Variants in ADAMTS17 observed in about 807,000 individuals in gnomAD.
ADAMTS17 encodes the protein ADAM metallopeptidase with thrombospondin type 1 motif 17, also known as A disintegrin and metalloproteinase with thrombospondin motifs 17.
In ADAMTS17, 113 loss-of-function variants were observed where a neutral mutation model predicts 141.5. The ratio of observed to expected loss-of-function variants is 0.80; its 90% CI spans 0.69 to 0.93. ADAMTS17 has a LOEUF of 0.93. Ranked by LOEUF, ADAMTS17 falls within the 40% of genes least tolerant of loss-of-function variation. The pLI is 0.00. For synonymous variants in ADAMTS17, 768 were observed against 630.6 expected, an observed-to-expected ratio of 1.22 and a Z score of -3.27; for missense variants, 1,659 against 1,517.9, an observed-to-expected ratio of 1.09 and a Z score of -1.54.
At chr15:100,001,369 T>TC (rs1491287696) in intron 18 of ADAMTS17, among the ~76,000 whole-genome samples, 97 of 138,194 alleles carry the variant, frequency 7.0e-4, no homozygotes, top group Admixed American at 2.7e-3. Context: ...TTTTTTTTTT[T>TC]AAAGAAGGAA....
chr15:100,302,323 T>G (rs1252355575), intron 3 of ADAMTS17, among the ~76,000 whole-genome samples: 1 of 152,246 alleles, frequency 6.6e-6, no homozygotes, highest in Admixed American at 6.5e-5. Flanking sequence ...GACAGTCATT[T>G]GAGTTGTTTC....
chr15:100,220,666 C>T (rs537863248), intron 7 of ADAMTS17, among the ~76,000 whole-genome samples: 1 of 152,252 alleles, frequency 6.6e-6, no homozygotes, highest in Non-Finnish European at 1.5e-5. Flanking sequence ...GATGTGAGAT[C>T]ACAGCCCACT....
intron 8 of ADAMTS17, among the ~76,000 whole-genome samples, chr15:100,195,784 T>C (rs1307244707): frequency 6.6e-6 from 1 of 152,198 alleles, no homozygotes; most frequent in African/African-American, 2.4e-5. Flanking sequence ...TCCCTTAAAC[T>C]GAAAGTACCT....
At chr15:100,127,329 G>T (rs940624796) in intron 12 of ADAMTS17, among the ~76,000 whole-genome samples, 7 of 152,134 alleles carry the variant, frequency 4.6e-5, no homozygotes, top group African/African-American at 1.7e-4. Flanking sequence ...AAGGTGAGAG[G>T]ACACACAGAG....
At position 100,302,610 on chromosome 15, in the gene ADAMTS17, T is replaced by C. The variant is rs535358988; in HGVS notation, c.617-21209A>G. ...CAAGCAGGAGTGAGGTGGTACCTCATTGTAATTTTGATTTGCATTTCCCTG... is the reference window on the plus strand; with the variant it reads ...CAAGCAGGAGTGAGGTGGTACCTCACTGTAATTTTGATTTGCATTTCCCTG... On this transcript the variant is annotated intron_variant, in intron 3 of 21. Transcript: ENST00000268070. Among the ~76,000 whole-genome samples the C allele has an allele frequency of 3.3e-5, 5 of 152,322 alleles. No homozygotes were observed. In the South Asian group the frequency reaches 8.3e-4, roughly 25 times the overall value.
chr15:100,319,473 G>A (rs2045663338), intron 3 of ADAMTS17, among the ~76,000 whole-genome samples: 1 of 152,186 alleles, frequency 6.6e-6, no homozygotes, highest in South Asian at 2.1e-4. Flanking sequence ...CACTTAGGGA[G>A]GCCGACGCAA....
intron 7 of ADAMTS17, among the ~76,000 whole-genome samples, chr15:100,214,999 A>G (rs913262612): frequency 6.6e-6 from 1 of 152,198 alleles, no homozygotes; most frequent in Non-Finnish European, 1.5e-5. Flanking sequence ...TTACACCTCC[A>G]TTTGGTATCA....
intron 8 of ADAMTS17, among the ~76,000 whole-genome samples, chr15:100,177,290 T>C (rs1461125876): frequency 1.3e-5 from 2 of 152,248 alleles, no homozygotes; most frequent in Non-Finnish European, 2.9e-5. Context: ...TTAACAGCTA[T>C]ACATTCCCTC....
At position 100,100,264 on chromosome 15, in the gene ADAMTS17, T is replaced by C. The variant is rs2036014873; in HGVS notation, c.2017-3788A>G. ...GCCCCTGGATGACTCCTCCCTCCTC[T>C]TGCTTCTTCGACTCCGTGAAAGTGG... On this transcript the variant is annotated intron_variant, in intron 14 of 21. Transcript: ENST00000268070. Among the ~76,000 whole-genome samples the C allele has an allele frequency of 2.6e-5, 4 of 152,222 alleles. No individual in the cohort carries two copies. The South Asian group carries it at 8.3e-4, about 31-fold the overall frequency.
chr15:100,337,019 G>A (rs543635245), intron 2 of ADAMTS17, among the ~76,000 whole-genome samples: 230 of 152,200 alleles, frequency 1.5e-3, no homozygotes, highest in Non-Finnish European at 2.9e-3. Context: ...GATTACAGGC[G>A]CCCACCACCA....
intron 15 of ADAMTS17, among the ~76,000 whole-genome samples, chr15:100,075,346 T>C (rs887570378): frequency 2.0e-5 from 3 of 152,240 alleles, no homozygotes; most frequent in Non-Finnish European, 4.4e-5. Flanking sequence ...GTCTCAAATG[T>C]GTTCCCTTTG....
At chr15:100,047,661 C>G (rs188506134) in intron 18 of ADAMTS17, among the ~76,000 whole-genome samples, 69 of 152,216 alleles carry the variant, frequency 4.5e-4, no homozygotes, top group Admixed American at 4.1e-3. Context: ...TCATGCTGAC[C>G]TCTCCTCCTC....
intron 18 of ADAMTS17, among the ~76,000 whole-genome samples, chr15:100,019,702 C>T (rs1567682226): frequency 6.6e-6 from 1 of 152,186 alleles, no homozygotes; most frequent in Non-Finnish European, 1.5e-5. Flanking sequence ...GAAATGAATC[C>T]TAAAACCTTA....
At chr15:99,991,300 C>T (rs2060685149) in intron 20 of ADAMTS17, among the ~76,000 whole-genome samples, 1 of 152,126 alleles carries the variant, frequency 6.6e-6, no homozygotes, top group African/African-American at 2.4e-5. Flanking sequence ...CCAGAATCTA[C>T]AAAGAACTTA....
chr15:100,241,440 A>G (rs1219331540), intron 7 of ADAMTS17, among the ~76,000 whole-genome samples: 1 of 152,218 alleles, frequency 6.6e-6, no homozygotes, highest in Non-Finnish European at 1.5e-5. Flanking sequence ...AGAAACACAC[A>G]CTAGCACTTC....
chr15:100,288,046 G>A (rs1217393332), intron 3 of ADAMTS17, among the ~76,000 whole-genome samples: 1 of 152,122 alleles, frequency 6.6e-6, no homozygotes, highest in Non-Finnish European at 1.5e-5. Flanking sequence ...AAAGGCCCCA[G>A]TCAAAAGTCA....
At chr15:100,011,202 C>G (rs2061161853) in intron 18 of ADAMTS17, among the ~76,000 whole-genome samples, 1 of 125,664 alleles carries the variant, frequency 8.0e-6, no homozygotes, top group African/African-American at 3.0e-5. Flanking sequence ...CCATGTTTTC[C>G]TGAAAAAATT....
At chr15:100,067,136 CCTTT>C (rs1287682502) in intron 15 of ADAMTS17, among the ~76,000 whole-genome samples, 1 of 151,718 alleles carries the variant, frequency 6.6e-6, no homozygotes, top group East Asian at 1.9e-4. Flanking sequence ...AAGTGTCGTT[CCTTT>C]CTAAGTGGCC....
intron 6 of ADAMTS17, 148 bp downstream of exon 6, chr15:100,261,331 C>G (rs2043508797): frequency 1.0e-6 from 1 of 981,736 alleles, no homozygotes; most frequent in Non-Finnish European, 1.5e-6. Flanking sequence ...CCGTTAACCC[C>G]CACTTACTAA....
Sources: gnomAD v4.1 joint callset for allele counts (sites outside exome capture counted in the v4.1 genomes callset) on GRCh38, gnomAD v4.1.1 for gene constraint, MANE v1.5 for transcripts, NCBI Gene and HGNC (gene_info 2026-07-23, HGNC 2026-07-21) for gene names.